EPSTI1: variants seen among roughly 807,000 people sequenced by gnomAD.
EPSTI1 encodes the protein epithelial-stromal interaction protein 1.
In EPSTI1, 66 loss-of-function variants were observed where a neutral mutation model predicts 49.9. The ratio of observed to expected loss-of-function variants is 1.32; its 90% CI spans 1.08 to 1.62. The LOEUF is 1.62. Among genes scored for constraint, EPSTI1 ranks in the 40% most tolerant of loss-of-function variants. The pLI, the probability that EPSTI1 is intolerant of heterozygous loss-of-function variation, is 0.00. For synonymous variants in EPSTI1, 137 were observed against 130.7 expected, an observed-to-expected ratio of 1.05 and a Z score of -0.33; for missense variants, 394 against 365.5, an observed-to-expected ratio of 1.08 and a Z score of -0.64.
intron 8 of EPSTI1, among the ~76,000 whole-genome samples, chr13:42,916,378 T>TA (rs1438502117): frequency 6.6e-6 from 1 of 152,080 alleles, no homozygotes; most frequent in Admixed American, 6.5e-5. Context: ...TTCAATGATT[T>TA]AATGACAACC....
chr13:42,955,756 C>A (rs2039239927), intron 5 of EPSTI1, among the ~76,000 whole-genome samples: 1 of 151,506 alleles, frequency 6.6e-6, no homozygotes, highest in Non-Finnish European at 1.5e-5. Flanking sequence ...GAGTCAAGAT[C>A]GTGCCATTGC....
chr13:42,921,304 A>G (rs112077764), intron 7 of EPSTI1, among the ~76,000 whole-genome samples: 2 of 152,348 alleles, frequency 1.3e-5, no homozygotes, highest in African/African-American at 4.8e-5. Flanking sequence ...TGGATTTCTC[A>G]GGAACCAGTA....
intron 4 of EPSTI1, chr13:42,963,696 G>C: frequency 3.5e-6 from 1 of 287,284 alleles, no homozygotes; most frequent in Admixed American, 4.9e-5. Flanking sequence ...TGTAAAAATC[G>C]CTGGGAATCT....
intron 6 of EPSTI1, among the ~76,000 whole-genome samples, chr13:42,940,654 A>C (rs755574895): frequency 9.4e-4 from 143 of 152,310 alleles, no homozygotes; most frequent in Non-Finnish European, 1.1e-3. Context: ...AACTCACTGC[A>C]GCCTCTAACT....
Position 42,953,967 on chromosome 13 carries a change from A to G in EPSTI1, c.544T>C (p.Phe182Leu). ...RLQENLRREA[F>L]REHQQYKTAE... ...ACTTACTATTGCTGATGCTCTCTAA[A>G]TGCTTCTCTTCTAAGGTTTTCTTGA... Residue 182 changes from phenylalanine to leucine, a missense_variant, in exon 6 of 11, where the codon TTT becomes CTT. Transcript: ENST00000313624. 2 of 1,613,012 alleles carry G rather than the reference A, an allele frequency of 1.2e-6. No homozygotes were observed. Among genetic ancestry groups the G allele is most frequent in the Non-Finnish European group, 1.7e-6 (2 of 1,179,868 alleles).
intron 1 of EPSTI1, among the ~76,000 whole-genome samples, chr13:42,990,569 C>T (rs1010045802): frequency 1.3e-5 from 2 of 152,092 alleles, no homozygotes; most frequent in African/African-American, 4.8e-5. Flanking sequence ...CTTGTAGATA[C>T]GTGGGTTACT....
chr13:42,890,897 T>C (rs754245481), intron 10 of EPSTI1, among the ~76,000 whole-genome samples: 1 of 152,188 alleles, frequency 6.6e-6, no homozygotes, highest in African/African-American at 2.4e-5. Flanking sequence ...GATCCCTTTA[T>C]GAGGCAAAGA....
At chr13:42,975,206 T>G (rs567695825) in intron 1 of EPSTI1, among the ~76,000 whole-genome samples, 2 of 152,312 alleles carry the variant, frequency 1.3e-5, no homozygotes, top group Admixed American at 1.3e-4. Context: ...TTTTGAGGCA[T>G]TTAGGTTTCC....
chr13:42,929,459 C>T (rs576529351), intron 6 of EPSTI1, among the ~76,000 whole-genome samples: 7 of 152,192 alleles, frequency 4.6e-5, no homozygotes, highest in African/African-American at 1.2e-4. Context: ...CCAAAATTAC[C>T]CAACCAAAGC....
chr13:42,908,887 A>C (rs2037579012), intron 8 of EPSTI1, among the ~76,000 whole-genome samples: 1 of 151,426 alleles, frequency 6.6e-6, no homozygotes, highest in Non-Finnish European at 1.5e-5. Context: ...GTTCAAGATC[A>C]GCCTGATCAA....
intron 2 of EPSTI1, 127 bp from the exon 3 acceptor site, chr13:42,969,304 TC>T: frequency 1.1e-6 from 1 of 903,620 alleles, no homozygotes; most frequent in Non-Finnish European, 1.7e-6. Flanking sequence ...GAACAAGGCT[TC>T]CAGGTTAGAA....
chr13:42,903,321 AC>A (rs2037412785), intron 8 of EPSTI1, among the ~76,000 whole-genome samples: 1 of 152,226 alleles, frequency 6.6e-6, no homozygotes, highest in South Asian at 2.1e-4. Context: ...GGAAAAGAAA[AC>A]AAAAAATGAG....
chr13:42,972,436 T>C (rs1279804825), intron 1 of EPSTI1, among the ~76,000 whole-genome samples: 1 of 152,186 alleles, frequency 6.6e-6, no homozygotes. Flanking sequence ...TTAGAACATT[T>C]GGGATAAAAG....
At chr13:42,926,990 GACACACACACACACACACAC>G (rs10529424) in intron 6 of EPSTI1, among the ~76,000 whole-genome samples, 2 of 144,608 alleles carry the variant, frequency 1.4e-5, no homozygotes, top group African/African-American at 2.6e-5. Context: ...TCTGTTAACA[GACACACACACACACACACAC>G]ACACACACAC....
At chr13:42,931,862 T>G (rs559515367) in intron 6 of EPSTI1, among the ~76,000 whole-genome samples, 14 of 152,330 alleles carry the variant, frequency 9.2e-5, no homozygotes, top group African/African-American at 2.9e-4. Context: ...GTGAGCATCC[T>G]GGTATATACA....
intron 3 of EPSTI1, among the ~76,000 whole-genome samples, chr13:42,964,850 C>CA (rs1272876224): frequency 2.0e-5 from 3 of 152,192 alleles, no homozygotes; most frequent in Admixed American, 6.5e-5. Context: ...AGGGAATTCT[C>CA]AGTGTTTATG....
intron 8 of EPSTI1, among the ~76,000 whole-genome samples, chr13:42,911,276 C>T (rs866431500): frequency 8.2e-5 from 12 of 146,182 alleles, no homozygotes; most frequent in African/African-American, 2.9e-4. Flanking sequence ...CGCGCGCACG[C>T]GCGCACACGT....
intron 8 of EPSTI1, among the ~76,000 whole-genome samples, chr13:42,905,685 T>C (rs2037479139): frequency 6.6e-6 from 1 of 152,314 alleles, no homozygotes. Flanking sequence ...CCAACCATTT[T>C]CCAGATACCT....
At chr13:42,890,627 C>T (rs886566097) in intron 10 of EPSTI1, among the ~76,000 whole-genome samples, 1 of 152,040 alleles carries the variant, frequency 6.6e-6, no homozygotes, top group Non-Finnish European at 1.5e-5. Flanking sequence ...AAGGGTCATT[C>T]ATATTTTTGG....
Sources: gnomAD v4.1 joint callset for allele counts (sites outside exome capture counted in the v4.1 genomes callset) on GRCh38, gnomAD v4.1.1 for gene constraint, MANE v1.5 for transcripts, NCBI Gene and HGNC (gene_info 2026-07-23, HGNC 2026-07-21) for gene names.